Variants in DNAH9 observed in about 807,000 individuals in gnomAD.
DNAH9 encodes dynein axonemal heavy chain 9.
DNAH9 carries 345 observed loss-of-function variants against 471.6 expected under a neutral mutation model. The ratio of observed to expected loss-of-function variants is 0.73; its 90% CI spans 0.67 to 0.80. The LOEUF is 0.80. Ranked by LOEUF, DNAH9 falls within the 30% of genes least tolerant of loss-of-function variation. DNAH9 has a pLI of 0.00. For synonymous variants in DNAH9, 2,093 were observed against 2,123.6 expected, an observed-to-expected ratio of 0.99 and a Z score of 0.40; for missense variants, 5,407 against 5,609.2, an observed-to-expected ratio of 0.96 and a Z score of 1.15.
intron 35 of DNAH9, among the ~76,000 whole-genome samples, chr17:11,761,679 T>C (rs1410854947): frequency 1.3e-5 from 2 of 151,894 alleles, no homozygotes; most frequent in Admixed American, 1.3e-4. Context: ...CACTCTCCAC[T>C]GGGAGATCAG....
At chr17:11,890,252 G>C (rs1389340310) in intron 57 of DNAH9, among the ~76,000 whole-genome samples, 1 of 152,140 alleles carries the variant, frequency 6.6e-6, no homozygotes, top group Non-Finnish European at 1.5e-5. Flanking sequence ...ATTGCTCTCT[G>C]TGGTGCTGGG....
chr17:11,607,859 C>T (rs114096271), intron 1 of DNAH9, among the ~76,000 whole-genome samples: 4,384 of 152,234 alleles, frequency 0.029, 235 homozygotes, highest in African/African-American at 0.099. Context: ...CATGAACCAC[C>T]GCACTTAGCC....
chr17:11,680,017 G>A (rs1567713602), intron 18 of DNAH9, 38 bp downstream of exon 18: 5 of 1,537,734 alleles, frequency 3.3e-6, no homozygotes, highest in Non-Finnish European at 3.6e-6. Context: ...AAGAAATAGA[G>A]GAAACATTTT....
intron 12 of DNAH9, among the ~76,000 whole-genome samples, chr17:11,648,604 G>A (rs1011791650): frequency 1.3e-5 from 2 of 152,038 alleles, no homozygotes; most frequent in Non-Finnish European, 2.9e-5. Context: ...CAAGGACAAG[G>A]ACCTTATCTG....
chr17:11,855,984 A>G (rs1971610275), intron 50 of DNAH9, among the ~76,000 whole-genome samples: 1 of 152,174 alleles, frequency 6.6e-6, no homozygotes, highest in Non-Finnish European at 1.5e-5. Context: ...TGTATAAAGC[A>G]TGAGACTAGA....
chr17:11,825,464 C>G lies in DNAH9; in HGVS notation c.9246+2430C>G, dbSNP rs534974865. 3.3e-5 allele frequency among the ~76,000 whole-genome samples: 5 copies of G among 152,280 alleles called. No homozygotes were observed. The East Asian group carries it at 9.7e-4, about 29-fold the overall frequency. ...AAGGGATAGGAAAAATACTTTGATC[C>G]TCTCATGGAGCAGAACCCAGTATTC... On this transcript the variant is annotated intron_variant, in intron 48 of 68. Coordinates refer to ENST00000262442, the MANE Select transcript of DNAH9 (RefSeq NM_001372.4).
rs750814753 is a variant in DNAH9, at chr17:11,783,668, C to G, written c.7741C>G (p.Leu2581Val). 6.2e-7 allele frequency: 1 copy of G among 1,614,072 alleles called. No homozygotes were observed. The highest frequency in any genetic ancestry group is 8.5e-7 in the Non-Finnish European group (1 of 1,179,996). Residue 2581 changes from leucine (L) to valine (V), a missense_variant, in exon 40 of 69, where the codon CTA (leucine) becomes GTA (valine). By Grantham distance (32) the Leu-to-Val change is conservative. Around this residue, in one of 3 missense-constraint regions of DNAH9, gnomAD observed 4,636 missense variants for 4,900.3 expected, o/e 0.95. Transcript: ENST00000262442. ...GHWYDRSKLS[L>V]KEITNVQYVS... ...CAGGTATGATCGGAGCAAGCTGTCC[C>G]TAAAGGAGATCACAAATGTACAGTA...
chr17:11,951,915 T>A (rs1250259811), intron 67 of DNAH9, among the ~76,000 whole-genome samples: 2 of 139,506 alleles, frequency 1.4e-5, no homozygotes, highest in Non-Finnish European at 3.1e-5. Context: ...ACAGCAAAAC[T>A]CCATCTCAAA....
intron 38 of DNAH9, among the ~76,000 whole-genome samples, chr17:11,779,503 G>C (rs987954781): frequency 6.6e-6 from 1 of 152,078 alleles, no homozygotes; most frequent in Non-Finnish European, 1.5e-5. Flanking sequence ...AGATAATCCC[G>C]TGCGCTCCAT....
At chr17:11,873,355 G>C (rs948943626) in intron 52 of DNAH9, 1 of 152,128 alleles carries the variant, frequency 6.6e-6, no homozygotes, top group Non-Finnish European at 1.5e-5. Context: ...ATTTTGACAC[G>C]TCAAATAGAA....
intron 38 of DNAH9, among the ~76,000 whole-genome samples, chr17:11,774,857 A>G (rs1968356945): frequency 6.6e-6 from 1 of 152,246 alleles, no homozygotes; most frequent in South Asian, 2.1e-4. Flanking sequence ...TCTAAAAAAA[A>G]CTATATTGAG....
At chr17:11,663,357 C>G (rs2073809915) in intron 14 of DNAH9, among the ~76,000 whole-genome samples, 1 of 152,210 alleles carries the variant, frequency 6.6e-6, no homozygotes, top group Non-Finnish European at 1.5e-5. Context: ...TCTTCTCTGC[C>G]TATCAGCAGG....
At chr17:11,739,920 CAT>C (rs1212796937) in intron 29 of DNAH9, among the ~76,000 whole-genome samples, 1 of 152,156 alleles carries the variant, frequency 6.6e-6, no homozygotes, top group African/African-American at 2.4e-5. Context: ...TTTTTGGACT[CAT>C]AAACACAGTG....
At chr17:11,768,121 C>T (rs926510532) in intron 36 of DNAH9, among the ~76,000 whole-genome samples, 3 of 152,182 alleles carry the variant, frequency 2.0e-5, no homozygotes, top group African/African-American at 7.2e-5. Flanking sequence ...GCCAATCTAC[C>T]TCTTCAGGAG....
At chr17:11,922,541 A>G (rs1974170776) in intron 61 of DNAH9, among the ~76,000 whole-genome samples, 1 of 152,156 alleles carries the variant, frequency 6.6e-6, no homozygotes, top group Non-Finnish European at 1.5e-5. Flanking sequence ...GCTGAAGCCC[A>G]CTGGTCTTGC....
chr17:11,931,121 G>A (rs1318184003), intron 63 of DNAH9, among the ~76,000 whole-genome samples: 3 of 152,186 alleles, frequency 2.0e-5, no homozygotes, highest in Non-Finnish European at 4.4e-5. Flanking sequence ...CACCTCCCTG[G>A]GCAGGAGAGT....
intron 3 of DNAH9, 128 bp downstream of exon 3, chr17:11,610,682 G>T: frequency 1.0e-5 from 8 of 797,846 alleles, no homozygotes; most frequent in Non-Finnish European, 1.4e-5. Flanking sequence ...TCATCAGTGG[G>T]GTAGACAGCT....
At chr17:11,624,375 G>A (rs1040102170) in intron 6 of DNAH9, among the ~76,000 whole-genome samples, 19 of 152,220 alleles carry the variant, frequency 1.2e-4, no homozygotes, top group East Asian at 5.8e-4. Context: ...CGGGCATGGC[G>A]GCATACCCGT....
intron 53 of DNAH9, among the ~76,000 whole-genome samples, chr17:11,878,027 C>T (rs1972568465): frequency 6.6e-6 from 1 of 152,196 alleles, no homozygotes; most frequent in Admixed American, 6.5e-5. Context: ...AACCACCGCG[C>T]CCGGCCAATA....
Sources: gnomAD v4.1 joint callset for allele counts (sites outside exome capture counted in the v4.1 genomes callset) on GRCh38, gnomAD v4.1.1 for gene constraint, gnomAD v4.1.1 regional missense constraint, MANE v1.5 for transcripts, NCBI Gene and HGNC (gene_info 2026-07-23, HGNC 2026-07-21) for gene names.